The following EYS variants were observed in gnomAD, a reference collection of about 807,000 sequenced individuals.
EYS encodes protein eyes shut homolog.
Under a neutral mutation model 282.1 loss-of-function variants are expected in EYS, and 250 were observed. The ratio of observed to expected loss-of-function variants is 0.89; its 90% CI spans 0.80 to 0.98. The LOEUF is 0.98. EYS is among the 50% of genes least tolerant of loss of function. EYS has a pLI of 0.00. For synonymous variants in EYS, 1,355 were observed against 1,282.9 expected, an observed-to-expected ratio of 1.06 and a Z score of -1.20; for missense variants, 4,016 against 3,709.0, an observed-to-expected ratio of 1.08 and a Z score of -2.15.
At chr6:65,398,304 A>G (rs1766365355) in intron 7 of EYS, among the ~76,000 whole-genome samples, 1 of 152,080 alleles carries the variant, frequency 6.6e-6, no homozygotes, top group South Asian at 2.1e-4. Context: ...GATTAATGAA[A>G]CAGAATAGAG....
intron 30 of EYS, among the ~76,000 whole-genome samples, chr6:64,274,490 T>TTGTTTTGTTTTG (rs1554224762): frequency 1.3e-5 from 2 of 149,084 alleles, no homozygotes; most frequent in African/African-American, 5.0e-5. Context: ...CGTTTTTTTT[T>TTGTTTTGTTTTG]TTTTTTTTTT....
chr6:64,878,843 C>A, intron 19 of EYS, among the ~76,000 whole-genome samples: 1 of 151,992 alleles, frequency 6.6e-6, no homozygotes, highest in South Asian at 2.1e-4. Context: ...TTCCTACTCA[C>A]CTCTTCAGCT....
intron 11 of EYS, among the ~76,000 whole-genome samples, chr6:65,309,685 G>A (rs1305088559): frequency 3.3e-5 from 5 of 152,170 alleles, no homozygotes; most frequent in African/African-American, 1.2e-4. Context: ...ATGGGAATGT[G>A]TTTTAATTTT....
chr6:64,454,653 G>T (rs914935044), intron 26 of EYS, among the ~76,000 whole-genome samples: 6 of 151,944 alleles, frequency 3.9e-5, no homozygotes, highest in African/African-American at 1.5e-4. Context: ...CTATATGTAG[G>T]GTTGTGTGGG....
At chr6:64,499,802 C>A (rs1399942272) in intron 26 of EYS, among the ~76,000 whole-genome samples, 2 of 152,036 alleles carry the variant, frequency 1.3e-5, no homozygotes, top group Non-Finnish European at 2.9e-5. Context: ...ATAAGATAAA[C>A]AAATCCCTGC....
intron 2 of EYS, among the ~76,000 whole-genome samples, chr6:65,528,850 T>C (rs968474757): frequency 6.6e-6 from 1 of 152,174 alleles, no homozygotes; most frequent in Non-Finnish European, 1.5e-5. Context: ...AATAAGAACA[T>C]GGTAATTAAA....
In EYS at chr6:63,788,392, C is replaced by T. The variant is rs1308361498; in HGVS notation, c.7579-143G>A. 1.6e-5 allele frequency: 10 copies of T among 625,118 alleles called. No individual in the cohort carries two copies. In the Admixed American group the frequency reaches 3.4e-4, roughly 21 times the overall value. The allele number at this position is 625,118 out of a possible 1,614,324, so 38.7% of individuals were successfully genotyped here. On this transcript the variant is annotated intron_variant, in intron 38 of 42. Coordinates refer to ENST00000503581, the MANE Select transcript of EYS (RefSeq NM_001142800.2). ...TTTGAAGAAATAACATGATACCACT[C>T]AATTCTCTGCTTCTCTGCTGGTGTC...
chr6:65,193,682 C>A (rs748441199), intron 12 of EYS, among the ~76,000 whole-genome samples: 1 of 151,238 alleles, frequency 6.6e-6, no homozygotes, highest in Admixed American at 6.6e-5. Context: ...TCGTAAGGAA[C>A]AAAAATCTCT....
At chr6:64,435,916 T>A (rs958675000) in intron 28 of EYS, among the ~76,000 whole-genome samples, 1 of 151,968 alleles carries the variant, frequency 6.6e-6, no homozygotes, top group Non-Finnish European at 1.5e-5. Context: ...ACAACAGCCA[T>A]ATGAGAAAAA....
At chr6:65,700,081 C>T (rs1226517845) in intron 1 of EYS, among the ~76,000 whole-genome samples, 1 of 125,792 alleles carries the variant, frequency 7.9e-6, no homozygotes, top group Non-Finnish European at 1.6e-5. Flanking sequence ...TGCCACTGCA[C>T]TCCAGGCTGG....
chr6:63,955,499 C>A (rs1765777655), intron 35 of EYS, among the ~76,000 whole-genome samples: 1 of 152,098 alleles, frequency 6.6e-6, no homozygotes, highest in Non-Finnish European at 1.5e-5. Flanking sequence ...CCACCCTCTA[C>A]CTCTCCCCAG....
At chr6:64,352,656 A>C (rs2150404118) in intron 29 of EYS, among the ~76,000 whole-genome samples, 1 of 151,688 alleles carries the variant, frequency 6.6e-6, no homozygotes, top group Non-Finnish European at 1.5e-5. Context: ...TGATTTAATA[A>C]CTTAAAATAC....
At chr6:65,666,025 T>A (rs1768187584) in intron 1 of EYS, among the ~76,000 whole-genome samples, 1 of 151,922 alleles carries the variant, frequency 6.6e-6, no homozygotes, top group African/African-American at 2.4e-5. Context: ...GAACTTACCA[T>A]CTCCAGGCAT....
rs181353189 is a variant in EYS, at chr6:65,195,607, C to T, written c.2023+100256G>A. 3.3e-5 allele frequency among the ~76,000 whole-genome samples: 5 copies of T among 152,010 alleles called. No homozygotes were observed. The East Asian group carries it at 9.7e-4, about 30-fold the overall frequency. ...GGTAGTTGAACATCAGAACATTATT[C>T]TTACTAGATGCATTGAACAGAGAGC... On this transcript the variant is annotated intron_variant, in intron 12 of 42. Coordinates refer to ENST00000503581, the MANE Select transcript of EYS (RefSeq NM_001142800.2).
intron 12 of EYS, among the ~76,000 whole-genome samples, chr6:65,225,036 C>G (rs1407931922): frequency 6.6e-6 from 1 of 151,902 alleles, no homozygotes; most frequent in African/African-American, 2.4e-5. Flanking sequence ...ATCAATTTTT[C>G]TCAAATAGAA....
At chr6:65,516,565 G>C (rs1165244017) in intron 2 of EYS, among the ~76,000 whole-genome samples, 8 of 152,110 alleles carry the variant, frequency 5.3e-5, no homozygotes, top group Non-Finnish European at 1.5e-5. Context: ...TCAGTATAGA[G>C]TGAGATAATT....
chr6:64,593,433 T>C (rs1582932750), intron 24 of EYS, 124 bp from the exon 25 acceptor site: 2 of 630,442 alleles, frequency 3.2e-6, no homozygotes, highest in Non-Finnish European at 4.9e-6. Context: ...AAATAAAATA[T>C]TTTACTTGAA....
At position 64,978,247 on chromosome 6, in the gene EYS, T is replaced by C. The variant is rs1426382345; in HGVS notation, c.2259+19335A>G. On this transcript the variant is annotated intron_variant, in intron 14 of 42. Transcript: ENST00000503581. The stretch of plus-strand genomic sequence containing the variant: ...GACTTGAAGTTGAAGCCAGTGTTCA[T>C]TTACCATTCCCCAAATACTAAGGCC... Among the ~76,000 whole-genome samples the C allele has an allele frequency of 4.0e-5, 6 of 151,888 alleles. No homozygotes were observed. The South Asian group carries it at 6.2e-4, about 16-fold the overall frequency.
intron 30 of EYS, among the ~76,000 whole-genome samples, chr6:64,251,881 TAAG>T (rs1767230100): frequency 6.6e-6 from 1 of 152,092 alleles, no homozygotes; most frequent in South Asian, 2.1e-4. Context: ...ATCAAGAATT[TAAG>T]AAGGCTTCAA....
Sources: allele counts gnomAD v4.1 joint callset (sites outside exome capture counted in the v4.1 genomes callset), GRCh38; gene constraint gnomAD v4.1.1; transcripts MANE v1.5; gene names NCBI Gene and HGNC (gene_info 2026-07-23, HGNC 2026-07-21).